The following LRRFIP2 variants were observed in gnomAD, a reference collection of about 807,000 sequenced individuals.
LRRFIP2 encodes the protein LRR binding FLII interacting protein 2.
LRRFIP2 carries 109 observed loss-of-function variants against 125.9 expected under a neutral mutation model. The ratio of observed to expected loss-of-function variants is 0.87; its 90% CI spans 0.74 to 1.01. LRRFIP2 has a LOEUF of 1.01. LRRFIP2 is among the 50% of genes least tolerant of loss of function. The pLI is 0.00. For missense variants in LRRFIP2, 850 were observed against 862.3 expected (o/e 0.99, Z 0.18); for synonymous variants, 291 against 293.1 (o/e 0.99, Z 0.07).
At chr3:37,134,595 A>C in intron 2 of LRRFIP2, 1 of 536,062 alleles carries the variant, frequency 1.9e-6, no homozygotes, top group Non-Finnish European at 3.7e-6. Context: ...GATAACCAGG[A>C]GTTTTGGCCA....
In LRRFIP2 at chr3:37,092,042, C is replaced by A. The variant is rs73057436; in HGVS notation, c.1036-504G>T. Reference sequence around the variant, plus strand: ...TTTCTTTCAATGACTTGGTTACTGGCCACAATTAACTTGAGAGAAAGGGAG... The same window carrying A: ...TTTCTTTCAATGACTTGGTTACTGGACACAATTAACTTGAGAGAAAGGGAG... On this transcript the variant is annotated intron_variant, in intron 17 of 27. Transcript: ENST00000336686. Among the ~76,000 whole-genome samples, 1,034 of 151,930 alleles carry A rather than the reference C, an allele frequency of 6.8e-3. 5 individuals are homozygous for A. Among genetic ancestry groups the A allele is most frequent in the Middle Eastern group, 0.014 (4 of 294 alleles).
chr3:37,100,409 T>C (rs547383007), intron 15 of LRRFIP2, among the ~76,000 whole-genome samples: 1 of 149,818 alleles, frequency 6.7e-6, no homozygotes, highest in Admixed American at 6.8e-5. Flanking sequence ...TGTATGTATA[T>C]ATACATATAC....
At position 37,075,114 on chromosome 3, in the gene LRRFIP2, C is replaced by A; in HGVS notation, c.1281G>T (p.Glu427Asp). 1 of 1,606,436 alleles carries A rather than the reference C, an allele frequency of 6.2e-7. No homozygotes were observed. Among genetic ancestry groups the A allele is most frequent in the Non-Finnish European group, 8.5e-7 (1 of 1,175,966 alleles). The change falls in exon 20 of 28, where the codon GAG becomes GAT. Residue 427 changes from glutamate to aspartate, a missense_variant and splice_region_variant. Glu to Asp is a conservative substitution (Grantham distance 45). Transcript: ENST00000336686. ...TACACATATGTTTCTGCCTTTCTAA[C>A]TCCTGTTATTAAACAAATAATATCA... ...FYRENEEKSK[E>D]LERQKHMCSV...
At chr3:37,095,102 G>T (rs2093654821) in intron 16 of LRRFIP2, among the ~76,000 whole-genome samples, 194 bp from the exon 17 acceptor site, 1 of 152,122 alleles carries the variant, frequency 6.6e-6, no homozygotes. Flanking sequence ...AGCATACTAA[G>T]CAAAATTTCA....
Position 37,121,491 on chromosome 3 carries a change from C to A in LRRFIP2, c.330+1G>T. ...TTGTGTAGACAAGTTAAAATACCAACCCTGTGACTGCCAACACTTCGAATG... is the reference window on the plus strand; with the variant it reads ...TTGTGTAGACAAGTTAAAATACCAAACCTGTGACTGCCAACACTTCGAATG... On this transcript the variant is annotated splice_donor_variant, in intron 6 of 27. Transcript: ENST00000336686. LOFTEE classifies it high-confidence loss of function. The A allele has an allele frequency of 1.9e-6, 3 of 1,613,774 alleles. No homozygotes were observed. In the South Asian group the frequency reaches 3.3e-5, roughly 18 times the overall value.
intron 6 of LRRFIP2, among the ~76,000 whole-genome samples, chr3:37,119,301 T>C (rs2094925354): frequency 6.6e-6 from 1 of 152,204 alleles, no homozygotes; most frequent in African/African-American, 2.4e-5. Context: ...TGTTTAATGA[T>C]ACAAATGCCA....
At chr3:37,173,140 G>A (rs2096608475) in intron 1 of LRRFIP2, 1 of 152,198 alleles carries the variant, frequency 6.6e-6, no homozygotes. Flanking sequence ...GGAGCTTGCA[G>A]TGAGCCGAGA....
chr3:37,140,497 G>C (rs981210442), intron 2 of LRRFIP2: 1 of 151,982 alleles, frequency 6.6e-6, no homozygotes, highest in Non-Finnish European at 1.5e-5. Flanking sequence ...CTAGCACTTT[G>C]AGAGGCAGGC....
intron 2 of LRRFIP2, among the ~76,000 whole-genome samples, chr3:37,137,806 C>T (rs1323507042): frequency 1.3e-5 from 2 of 152,194 alleles, no homozygotes; most frequent in Non-Finnish European, 2.9e-5. Context: ...TAAAATCAGT[C>T]TCATTTTCCC....
At chr3:37,167,653 C>CAAA (rs533367910) in intron 1 of LRRFIP2, among the ~76,000 whole-genome samples, 1 of 74,516 alleles carries the variant, frequency 1.3e-5, no homozygotes, top group Non-Finnish European at 2.7e-5. Context: ...CACTCTGTCT[C>CAAA]AAAAAAAAAA....
intron 19 of LRRFIP2, among the ~76,000 whole-genome samples, chr3:37,082,948 G>A (rs1254010376): frequency 6.6e-6 from 1 of 152,070 alleles, no homozygotes; most frequent in East Asian, 1.9e-4. Flanking sequence ...TGGCAATGTA[G>A]TAGCAATCCA....
chr3:37,068,100 T>C (rs961760358), intron 21 of LRRFIP2: 17 of 152,250 alleles, frequency 1.1e-4, no homozygotes, highest in Admixed American at 1.0e-3. Flanking sequence ...TAGCACCATC[T>C]AGCTAGTGTT....
At chr3:37,055,898 A>G (rs769094447) in intron 25 of LRRFIP2, among the ~76,000 whole-genome samples, 80 of 152,222 alleles carry the variant, frequency 5.3e-4, no homozygotes, top group Admixed American at 2.9e-3. Flanking sequence ...CCAATACTGT[A>G]AGGGTCCTTT....
intron 1 of LRRFIP2, among the ~76,000 whole-genome samples, chr3:37,151,081 T>G (rs757694996): frequency 1.3e-5 from 2 of 152,154 alleles, no homozygotes; most frequent in African/African-American, 2.4e-5. Flanking sequence ...AAACACCAGC[T>G]GGGCATGGTG....
At chr3:37,120,785 TA>T (rs71635827) in intron 6 of LRRFIP2, among the ~76,000 whole-genome samples, 12,512 of 151,294 alleles carry the variant, frequency 0.083, 603 homozygotes, top group Middle Eastern at 0.26. Context: ...GCTATTAAAA[TA>T]AAAAAAATTT....
At position 37,118,533 on chromosome 3, in the gene LRRFIP2, A is replaced by C. The variant is rs190702035; in HGVS notation, c.330+2959T>G. Reference sequence around the variant, plus strand: ...AATTCTAAATTCCTAACTTTGATTTAATCTTCCCTCCCCCAATCCTACCAT... The same window carrying C: ...AATTCTAAATTCCTAACTTTGATTTCATCTTCCCTCCCCCAATCCTACCAT... On this transcript the variant is annotated intron_variant, in intron 6 of 27. Transcript: ENST00000336686. 2.9e-4 allele frequency among the ~76,000 whole-genome samples: 44 copies of C among 152,304 alleles called. 1 individual carries two copies. In the East Asian group the frequency reaches 8.5e-3, roughly 29 times the overall value.
At chr3:37,068,636 G>T (rs2090599493) in intron 21 of LRRFIP2, 1 of 152,138 alleles carries the variant, frequency 6.6e-6, no homozygotes, top group Non-Finnish European at 1.5e-5. Context: ...AGCTCCTACA[G>T]TAGATTTTTT....
chr3:37,102,270 A>G (rs545487549), intron 15 of LRRFIP2, among the ~76,000 whole-genome samples: 10 of 152,108 alleles, frequency 6.6e-5, no homozygotes, highest in Admixed American at 5.2e-4. Context: ...GGGAAATGAC[A>G]TGACATGGGA....
intron 9 of LRRFIP2, 82 bp from the exon 10 acceptor site, chr3:37,109,785 A>T: frequency 8.1e-7 from 1 of 1,229,422 alleles, no homozygotes; most frequent in Admixed American, 1.9e-5. Context: ...AGAGGACTTA[A>T]GTTTATGATT....
Sources: gnomAD v4.1 joint callset for allele counts (sites outside exome capture counted in the v4.1 genomes callset) on GRCh38, gnomAD v4.1.1 for gene constraint, MANE v1.5 for transcripts, NCBI Gene and HGNC (gene_info 2026-07-23, HGNC 2026-07-21) for gene names.